The following BMPR1B variants were observed in gnomAD, a reference collection of about 807,000 sequenced individuals.
BMPR1B encodes bone morphogenetic protein receptor type 1B, also known as bone morphogenetic protein receptor type-1B.
Under a neutral mutation model 59.1 loss-of-function variants are expected in BMPR1B, and 12 were observed. The observed-to-expected ratio is 0.20, with a 90% confidence interval of 0.13 to 0.33. The LOEUF is 0.33. Ranked by LOEUF, BMPR1B falls within the 10% of genes least tolerant of loss-of-function variation. BMPR1B has a pLI of 1.00. For synonymous variants in BMPR1B, 237 were observed against 207.3 expected, an observed-to-expected ratio of 1.14 and a Z score of -1.23; for missense variants, 550 against 610.9, an observed-to-expected ratio of 0.90 and a Z score of 1.05.
At chr4:95,023,047 C>CT (rs965988562) in intron 3 of BMPR1B, among the ~76,000 whole-genome samples, 9 of 152,012 alleles carry the variant, frequency 5.9e-5, no homozygotes, top group African/African-American at 1.7e-4. Flanking sequence ...TACAGTACAT[C>CT]TTTTTTTTAC....
At chr4:94,925,194 G>T (rs780581602) in intron 2 of BMPR1B, among the ~76,000 whole-genome samples, 25 of 152,028 alleles carry the variant, frequency 1.6e-4, no homozygotes, top group Non-Finnish European at 2.9e-4. Context: ...TAAGAATATG[G>T]ATTCCTCCCA....
At chr4:95,120,675 TTTC>T (rs1360302428) in intron 6 of BMPR1B, among the ~76,000 whole-genome samples, 3 of 79,598 alleles carry the variant, frequency 3.8e-5, no homozygotes, top group Non-Finnish European at 5.5e-5. Flanking sequence ...TCTTCTTTCT[TTTC>T]TTTTCTTTCT....
rs1735498120 is a variant in BMPR1B, at chr4:95,157,385, A to G, written c.*2712A>G. On this transcript the variant is annotated 3_prime_UTR_variant, in exon 13 of 13. Coordinates refer to ENST00000515059, the MANE Select transcript of BMPR1B (RefSeq NM_001203.3). ...ACTACTCATTTCCCAATAATCCTTT[A>G]TGATTTCAAAATTTCTAGTGGCTCA... is the stretch of plus-strand genomic sequence containing the variant. 6.6e-6 allele frequency: 1 copy of G among 152,066 alleles called. No individual in the cohort carries two copies. Among genetic ancestry groups the G allele is most frequent in the African/African-American group, 2.4e-5 (1 of 41,458 alleles). 9.4% of individuals were successfully genotyped at this position (152,066 alleles called of 1,614,324 possible). A position where few individuals can be genotyped will look rare whatever the true frequency, so the allele number is the denominator to read the frequency against.
intron 1 of BMPR1B, among the ~76,000 whole-genome samples, chr4:94,773,499 C>T (rs766444893): frequency 1.3e-5 from 2 of 151,996 alleles, no homozygotes; most frequent in Admixed American, 6.6e-5. Flanking sequence ...AAACTCATTA[C>T]TTGGGAGTTG....
At chr4:94,993,154 G>A (rs1002946922) in intron 2 of BMPR1B, among the ~76,000 whole-genome samples, 1 of 152,138 alleles carries the variant, frequency 6.6e-6, no homozygotes, top group Non-Finnish European at 1.5e-5. Flanking sequence ...GCTTCCCAAA[G>A]TGCTGGGTTT....
chr4:94,890,407 T>G (rs897485226), intron 2 of BMPR1B, among the ~76,000 whole-genome samples: 2 of 152,074 alleles, frequency 1.3e-5, no homozygotes, highest in Non-Finnish European at 2.9e-5. Context: ...AATTGGCAAT[T>G]GAAGAATTGA....
chr4:94,775,512 C>A (rs1037118162), intron 1 of BMPR1B, among the ~76,000 whole-genome samples: 1 of 152,002 alleles, frequency 6.6e-6, no homozygotes, highest in Admixed American at 6.6e-5. Context: ...ATTTCAAATG[C>A]TTGCTTCTAA....
intron 2 of BMPR1B, among the ~76,000 whole-genome samples, chr4:94,969,090 G>A (rs928042299): frequency 3.3e-5 from 5 of 151,352 alleles, no homozygotes; most frequent in Admixed American, 2.6e-4. Context: ...GCTGGAGTGC[G>A]GTGGTGTGAT....
chr4:94,917,402 C>T (rs182293119), intron 2 of BMPR1B, among the ~76,000 whole-genome samples: 8 of 152,336 alleles, frequency 5.3e-5, no homozygotes, highest in Admixed American at 1.3e-4. Flanking sequence ...TGCAAAGCCA[C>T]AGGGGTGGAG....
chr4:94,964,735 G>C (rs77155799), intron 2 of BMPR1B, among the ~76,000 whole-genome samples: 383 of 152,292 alleles, frequency 2.5e-3, no homozygotes, highest in African/African-American at 8.7e-3. Flanking sequence ...CAACAGGTTA[G>C]CAGTGTTTTT....
At chr4:95,147,937 C>G (rs1332424182) in intron 10 of BMPR1B, among the ~76,000 whole-genome samples, 1 of 152,110 alleles carries the variant, frequency 6.6e-6, no homozygotes, top group Non-Finnish European at 1.5e-5. Context: ...TGTTGTCCCT[C>G]CGTCATTACT....
intron 2 of BMPR1B, among the ~76,000 whole-genome samples, chr4:94,962,072 T>TTTCCTTCCTTCCTTCCTTCCTTCCTTCC (rs199574448): frequency 5.4e-4 from 64 of 117,980 alleles, no homozygotes; most frequent in African/African-American, 2.0e-3. Flanking sequence ...CTTTCTTTTC[T>TTTCCTTCCTTCCTTCCTTCCTTCCTTCC]TTCCTTCCTT....
At chr4:95,124,048 A>G in intron 7 of BMPR1B, 142 bp downstream of exon 7, 2 of 639,836 alleles carry the variant, frequency 3.1e-6, no homozygotes, top group Non-Finnish European at 5.4e-6. Flanking sequence ...AATGTCTGTT[A>G]CTGTTGATAA....
chr4:95,142,218 C>T (rs1400068483), intron 10 of BMPR1B, among the ~76,000 whole-genome samples: 1 of 152,194 alleles, frequency 6.6e-6, no homozygotes, highest in Non-Finnish European at 1.5e-5. Flanking sequence ...TTCAATTCTG[C>T]AAGTCAGTTC....
At chr4:95,081,631 A>G (rs1729146097) in intron 3 of BMPR1B, among the ~76,000 whole-genome samples, 1 of 152,214 alleles carries the variant, frequency 6.6e-6, no homozygotes, top group African/African-American at 2.4e-5. Context: ...CAAGATGGAC[A>G]GTAGGTTTAA....
At chr4:94,823,569 C>G (rs1451620513) in intron 1 of BMPR1B, among the ~76,000 whole-genome samples, 3 of 152,036 alleles carry the variant, frequency 2.0e-5, no homozygotes, top group Non-Finnish European at 4.4e-5. Context: ...GAAAAAGAAC[C>G]AGGATTGCAT....
chr4:95,023,115 G>T (rs951822551), intron 3 of BMPR1B, among the ~76,000 whole-genome samples: 1 of 152,090 alleles, frequency 6.6e-6, no homozygotes, highest in Admixed American at 6.6e-5. Context: ...CATTTCCAGT[G>T]TAAAGCCTAT....
intron 3 of BMPR1B, among the ~76,000 whole-genome samples, chr4:95,076,249 T>C (rs1194029043): frequency 1.3e-5 from 2 of 152,130 alleles, no homozygotes; most frequent in East Asian, 3.9e-4. Flanking sequence ...TTATTAGTAT[T>C]ATACTTGAGA....
intron 3 of BMPR1B, among the ~76,000 whole-genome samples, chr4:95,067,473 T>A (rs530963407): frequency 5.9e-5 from 9 of 152,302 alleles, no homozygotes; most frequent in Non-Finnish European, 1.3e-4. Flanking sequence ...GACAGAAACC[T>A]ATGTTGAATC....
Sources: gnomAD v4.1 joint callset for allele counts (sites outside exome capture counted in the v4.1 genomes callset) on GRCh38, gnomAD v4.1.1 for gene constraint, MANE v1.5 for transcripts, NCBI Gene and HGNC (gene_info 2026-07-23, HGNC 2026-07-21) for gene names.